Variants in ZNF577 observed in about 807,000 individuals in gnomAD.
The protein encoded by ZNF577 is zinc finger protein 577.
In ZNF577, 14 loss-of-function variants were observed where a neutral mutation model predicts 13.9. That is an observed-to-expected ratio of 1.00 (90% confidence interval 0.66 to 1.57). ZNF577 has a LOEUF of 1.57. Ranked by LOEUF, ZNF577 falls within the 40% of genes most tolerant of loss-of-function variation. The probability of loss-of-function intolerance (pLI) is 0.00; values close to 1 mark genes in which losing one functional copy is unlikely to be tolerated. For missense variants in ZNF577, 555 were observed against 579.2 expected (o/e 0.96, Z 0.43); for synonymous variants, 203 against 202.9 (o/e 1.00, Z 0.00).
At chr19:51,882,894 G>C in intron 1 of ZNF577, among the ~76,000 whole-genome samples, 1 of 152,128 alleles carries the variant, frequency 6.6e-6, no homozygotes, top group Non-Finnish European at 1.5e-5. Context: ...ATGAAGCAGG[G>C]AGGAAGGAAA....
At position 51,868,680 on chromosome 19, in the gene ZNF577, G is replaced by A. The variant is rs576559386; in HGVS notation, c.*3852C>T. ...GACTACTACCGTCTTCAACTGCCTT[G>A]AACACCCAGATAGAATTCACTCATG... On this transcript the variant is annotated 3_prime_UTR_variant, in exon 6 of 6. Coordinates refer to ENST00000638348, the MANE Select transcript of ZNF577 (RefSeq NM_001370449.1). 6.6e-6 allele frequency among the ~76,000 whole-genome samples: 1 copy of A among 151,634 alleles called. No individual in the cohort carries two copies. The highest frequency in any genetic ancestry group is 2.0e-4 in the East Asian group (1 of 5,068).
In ZNF577 at chr19:51,868,630, C is replaced by T. The variant is rs886950284; in HGVS notation, c.*3902G>A. On this transcript the variant is annotated 3_prime_UTR_variant, in exon 6 of 6. Coordinates refer to ENST00000638348, the MANE Select transcript of ZNF577 (RefSeq NM_001370449.1). ...CCCTCATAATGTTGCCTACAGAAGC[C>T]CCAGCAAGCACCGGCTAAGGTTCTG... is the stretch of plus-strand genomic sequence containing the variant. Among the ~76,000 whole-genome samples, 4 of 152,090 alleles carry T rather than the reference C, an allele frequency of 2.6e-5. No individual in the cohort carries two copies. Among genetic ancestry groups the T allele is most frequent in the African/African-American group, 9.7e-5 (4 of 41,404 alleles).
At chr19:51,849,711 C>T (rs958819578) in intron 5 of ZNF577, among the ~76,000 whole-genome samples, 4 of 152,180 alleles carry the variant, frequency 2.6e-5, no homozygotes, top group Admixed American at 6.5e-5. Flanking sequence ...AATGGTACCA[C>T]TTCTTCGAAA....
At chr19:51,861,202 T>C in intron 5 of ZNF577, 1 of 264,588 alleles carries the variant, frequency 3.8e-6, no homozygotes, top group Non-Finnish European at 6.7e-6. Context: ...TACTGCAACC[T>C]CCACCTCCTA....
chr19:51,879,541 CT>C (rs1309731289), intron 3 of ZNF577, among the ~76,000 whole-genome samples: 1 of 151,798 alleles, frequency 6.6e-6, no homozygotes, highest in African/African-American at 2.4e-5. Context: ...TGCACTCCAG[CT>C]CTGGGCGACA....
At position 51,824,999 on chromosome 19, in the gene ZNF577, A is replaced by G. The variant is rs958978152; in HGVS notation, c.*600-13325T>C. Reference sequence around the variant, plus strand: ...ATAGACACCAGCTGGGTGTCCTACAATTAAATTCCAACACTATCTACCTGG... The same window carrying G: ...ATAGACACCAGCTGGGTGTCCTACAGTTAAATTCCAACACTATCTACCTGG... On this transcript the variant is annotated intron_variant and NMD_transcript_variant, in intron 9 of 10. Transcript: ENST00000638827. This position sits in a 1 kb window ranked among gnomAD's most constrained non-coding sequence, Gnocchi z 4.7. 5 of 585,002 alleles carry G rather than the reference A, an allele frequency of 8.5e-6. No homozygotes were observed. Among genetic ancestry groups the G allele is most frequent in the African/African-American group, 1.9e-5 (1 of 53,336 alleles). 36.2% of individuals were successfully genotyped at this position (585,002 alleles called of 1,614,324 possible). A position where few individuals can be genotyped will look rare whatever the true frequency, so the allele number is the denominator to read the frequency against.
intron 9 of ZNF577, among the ~76,000 whole-genome samples, chr19:51,821,002 T>G (rs2084184405): frequency 1.3e-5 from 2 of 152,326 alleles, no homozygotes; most frequent in South Asian, 4.1e-4. Flanking sequence ...CTATGAGCAT[T>G]GTTCTTGTCC....
At chr19:51,884,181 G>A (rs1212805028) in intron 1 of ZNF577, among the ~76,000 whole-genome samples, 1 of 151,788 alleles carries the variant, frequency 6.6e-6, no homozygotes, top group Non-Finnish European at 1.5e-5. Context: ...GGAAGCCGAG[G>A]CAGAAGGACT....
At chr19:51,851,705 C>T (rs116917825) in intron 5 of ZNF577, among the ~76,000 whole-genome samples, 2,398 of 152,204 alleles carry the variant, frequency 0.016, 41 homozygotes, top group Middle Eastern at 0.031. Flanking sequence ...GACAGAAGCC[C>T]CAGATGACCA....
intron 1 of ZNF577, among the ~76,000 whole-genome samples, chr19:51,885,965 G>A (rs1218810363): frequency 6.6e-6 from 1 of 152,062 alleles, no homozygotes; most frequent in Non-Finnish European, 1.5e-5. Context: ...AAAAAGAAAC[G>A]AGCTACTGCT....
chr19:51,818,864 A>T (rs1253699597), intron 9 of ZNF577, among the ~76,000 whole-genome samples: 2 of 152,134 alleles, frequency 1.3e-5, no homozygotes, highest in Non-Finnish European at 2.9e-5. Context: ...TGCTGAGAAG[A>T]ATAACATCAT....
chr19:51,885,520 C>CT (rs983782541), intron 1 of ZNF577, among the ~76,000 whole-genome samples: 1 of 151,970 alleles, frequency 6.6e-6, no homozygotes, highest in Non-Finnish European at 1.5e-5. Context: ...GCTCTATTGA[C>CT]TTTTTTTTGA....
At chr19:51,880,431 G>C in intron 2 of ZNF577, 30 bp from the exon 3 acceptor site, 1 of 1,607,846 alleles carries the variant, frequency 6.2e-7, no homozygotes, top group Non-Finnish European at 8.5e-7. Flanking sequence ...ACAGTTTAAA[G>C]CAGAGAAAAC....
At chr19:51,818,775 G>A (rs2084164719) in intron 9 of ZNF577, among the ~76,000 whole-genome samples, 1 of 152,228 alleles carries the variant, frequency 6.6e-6, no homozygotes, top group Non-Finnish European at 1.5e-5. Context: ...AGAGTGCAGA[G>A]ATGAGGTCTG....
rs1029818167 is a variant in ZNF577, at chr19:51,871,927, A to G, written c.*605T>C. 3.3e-5 allele frequency: 5 copies of G among 152,282 alleles called. No individual in the cohort carries two copies. Among genetic ancestry groups the G allele is most frequent in the Non-Finnish European group, 7.3e-5 (5 of 68,120 alleles). 9.4% of individuals were successfully genotyped at this position (152,282 alleles called of 1,614,324 possible). ...CTTCAGTCCTCCAGAACTGTAAGAT[A>G]ATGATTTTGTGTTGTTTTAAGCCAT... is the stretch of plus-strand genomic sequence containing the variant. On this transcript the variant is annotated 3_prime_UTR_variant, in exon 6 of 6. Coordinates refer to ENST00000638348, the MANE Select transcript of ZNF577 (RefSeq NM_001370449.1).
chr19:51,804,567 G>A (rs1049961935), downstream of ZNF577, among the ~76,000 whole-genome samples: 7 of 152,056 alleles, frequency 4.6e-5, no homozygotes, highest in East Asian at 5.8e-4. Flanking sequence ...GGATAAAAAG[G>A]CACTGATTTG....
intron 5 of ZNF577, chr19:51,855,998 T>C (rs2084414214): frequency 6.6e-6 from 1 of 152,190 alleles, no homozygotes; most frequent in Non-Finnish European, 1.5e-5. Flanking sequence ...GTAGGCCAAA[T>C]TAAAATTCCA....
At chr19:51,848,372 C>G (rs1375857221) in intron 5 of ZNF577, among the ~76,000 whole-genome samples, 4 of 152,252 alleles carry the variant, frequency 2.6e-5, no homozygotes, top group African/African-American at 9.6e-5. Context: ...AGCTAAGACG[C>G]GGAAGACGCT....
chr19:51,863,506 T>C (rs1422133368), downstream of ZNF577, among the ~76,000 whole-genome samples: 2 of 152,216 alleles, frequency 1.3e-5, no homozygotes, highest in Non-Finnish European at 2.9e-5. Context: ...CTTCTTCCTA[T>C]GAAATACACA....
Sources: allele counts gnomAD v4.1 joint callset (sites outside exome capture counted in the v4.1 genomes callset), GRCh38; gene constraint gnomAD v4.1.1; non-coding constraint Gnocchi (gnomAD v3.1); transcripts MANE v1.5; gene names NCBI Gene and HGNC (gene_info 2026-07-23, HGNC 2026-07-21).